Variants in KCNJ6 observed in about 807,000 individuals in gnomAD.
The protein encoded by KCNJ6 is G protein-activated inward rectifier potassium channel 2.
Under a neutral mutation model 34.2 loss-of-function variants are expected in KCNJ6, and 9 were observed. The ratio of observed to expected loss-of-function variants is 0.26; its 90% confidence interval spans 0.16 to 0.46. The LOEUF (loss-of-function observed/expected upper bound fraction) is 0.46, where lower values mean the gene tolerates loss of function less well. KCNJ6 is among the 20% of genes least tolerant of loss of function. The pLI, the probability that KCNJ6 is intolerant of heterozygous loss-of-function variation, is 1.00. For synonymous variants in KCNJ6, 196 were observed against 207.1 expected (o/e 0.95, Z 0.46); for missense variants, 236 against 531.3 (o/e 0.44, Z 5.46).
intron 2 of KCNJ6, among the ~76,000 whole-genome samples, chr21:37,779,799 G>C (rs769443733): frequency 2.0e-5 from 3 of 152,222 alleles, no homozygotes; most frequent in Non-Finnish European, 4.4e-5. Flanking sequence ...ACTTTTTGGA[G>C]TCACAAGTGA....
chr21:37,694,552 G>T (rs1248472330), intron 3 of KCNJ6, among the ~76,000 whole-genome samples: 1 of 152,190 alleles, frequency 6.6e-6, no homozygotes, highest in Non-Finnish European at 1.5e-5. Context: ...CAAAAAGTCA[G>T]GTTCTCTATT....
At chr21:37,728,694 G>GTA (rs1245869756) in intron 2 of KCNJ6, among the ~76,000 whole-genome samples, 22 of 113,492 alleles carry the variant, frequency 1.9e-4, no homozygotes, top group Admixed American at 5.0e-4. Flanking sequence ...GTGTGTGTGT[G>GTA]TGTGTATATA....
At chr21:37,897,346 C>A (rs912359424) in intron 1 of KCNJ6, among the ~76,000 whole-genome samples, 1 of 152,182 alleles carries the variant, frequency 6.6e-6, no homozygotes, top group African/African-American at 2.4e-5. Context: ...GCACAGTGAC[C>A]CCCGATGACA....
At chr21:37,701,896 G>T (rs1301397124) in intron 3 of KCNJ6, among the ~76,000 whole-genome samples, 6 of 152,120 alleles carry the variant, frequency 3.9e-5, no homozygotes. Flanking sequence ...CCACTGGAGG[G>T]TTTTAAGCAA....
intron 3 of KCNJ6, among the ~76,000 whole-genome samples, chr21:37,666,703 C>T (rs1282966118): frequency 6.6e-6 from 1 of 150,720 alleles, no homozygotes; most frequent in Non-Finnish European, 1.5e-5. Context: ...GCAGTTTTGT[C>T]GAAAAGAAAG....
At chr21:37,690,716 T>C (rs776824138) in intron 3 of KCNJ6, among the ~76,000 whole-genome samples, 1 of 152,130 alleles carries the variant, frequency 6.6e-6, no homozygotes, top group Admixed American at 6.5e-5. Flanking sequence ...AAATTGGACA[T>C]AAATATTCGT....
rs1016926208 is a variant in KCNJ6, at chr21:37,675,103, T to C, written c.946+39108A>G. ...TCAATCGACACCCTTCGCACCACTT[T>C]CTAAGTGTCTCCTTTGGACTGGGCC... On this transcript the variant is annotated intron_variant, in intron 3 of 3. Transcript: ENST00000609713. This position sits in a 1 kb window ranked among gnomAD's most constrained non-coding sequence, Gnocchi z 4.2. 2.6e-5 allele frequency among the ~76,000 whole-genome samples: 4 copies of C among 152,150 alleles called. No individual in the cohort carries two copies. Among genetic ancestry groups the C allele is most frequent in the African/African-American group, 7.2e-5 (3 of 41,434 alleles).
chr21:37,777,756 T>A (rs79221473), intron 2 of KCNJ6, among the ~76,000 whole-genome samples: 2 of 152,236 alleles, frequency 1.3e-5, no homozygotes, highest in African/African-American at 4.8e-5. Context: ...TGAAGGAAAT[T>A]AAGCATCTGA....
chr21:37,742,820 C>T (rs1230283307), intron 2 of KCNJ6, among the ~76,000 whole-genome samples: 1 of 152,218 alleles, frequency 6.6e-6, no homozygotes, highest in Non-Finnish European at 1.5e-5. Context: ...TCATCAAGTC[C>T]AGGCTCCCAG....
At chr21:37,728,748 G>GGA (rs2054868887) in intron 2 of KCNJ6, among the ~76,000 whole-genome samples, 1 of 152,060 alleles carries the variant, frequency 6.6e-6, no homozygotes, top group Non-Finnish European at 1.5e-5. Flanking sequence ...AAAAGCGTAT[G>GGA]GAGAGAGACG....
At chr21:37,842,645 A>T (rs2123580321) in intron 1 of KCNJ6, among the ~76,000 whole-genome samples, 1 of 152,352 alleles carries the variant, frequency 6.6e-6, no homozygotes, top group Non-Finnish European at 1.5e-5. Flanking sequence ...TTATGTCAAC[A>T]TGCAGAGAAA....
chr21:37,617,239 G>C lies in KCNJ6; in HGVS notation c.*7920C>G. Reference sequence around the variant, plus strand: ...TTCCTTCTTTTCTTTCTTTTTTTGAGACTGAGTCTCGCTCCGTGGCCCAGG... The same window carrying C: ...TTCCTTCTTTTCTTTCTTTTTTTGACACTGAGTCTCGCTCCGTGGCCCAGG... On this transcript the variant is annotated 3_prime_UTR_variant, in exon 4 of 4. Coordinates refer to ENST00000609713, the MANE Select transcript of KCNJ6 (RefSeq NM_002240.5). 1 of 113,322 alleles carries C rather than the reference G, an allele frequency of 8.8e-6. No individual in the cohort carries two copies. Among genetic ancestry groups the C allele is most frequent in the African/African-American group, 3.4e-5 (1 of 29,328 alleles). 7.0% of individuals were successfully genotyped at this position (113,322 alleles called of 1,614,324 possible).
At chr21:37,761,273 GGTAGT>G (rs202117943) in intron 2 of KCNJ6, among the ~76,000 whole-genome samples, 3,350 of 151,462 alleles carry the variant, frequency 0.022, 125 homozygotes, top group African/African-American at 0.077. Flanking sequence ...TGTTGTGTGT[GGTAGT>G]GTAATGTGTG....
chr21:37,684,986 A>T (rs1325600438), intron 3 of KCNJ6, among the ~76,000 whole-genome samples: 1 of 152,240 alleles, frequency 6.6e-6, no homozygotes, highest in Non-Finnish European at 1.5e-5. Context: ...TTAACAAAAA[A>T]ATCAATAAGA....
At chr21:37,857,230 G>A (rs1210464920) in intron 1 of KCNJ6, among the ~76,000 whole-genome samples, 1 of 152,144 alleles carries the variant, frequency 6.6e-6, no homozygotes, top group Non-Finnish European at 1.5e-5. Flanking sequence ...TAGAGGGAGG[G>A]CTATTGTTAC....
In KCNJ6 at chr21:37,625,563, G is replaced by A. The variant is rs7281640; in HGVS notation, c.947-79C>T. On this transcript the variant is annotated intron_variant, in intron 3 of 3. Coordinates refer to ENST00000609713, the MANE Select transcript of KCNJ6 (RefSeq NM_002240.5). ...CCAAGGAGTCACAGAGAGCCAGGAG[G>A]AGTACTGCATGCAGCTGTTGAGACT... 4,667 of 1,037,710 alleles carry A rather than the reference G, an allele frequency of 4.5e-3. 136 individuals carry two copies. The African/African-American group carries it at 0.06, about 13-fold the overall frequency. The allele number at this position is 1,037,710 out of a possible 1,614,324, so 64.3% of individuals were successfully genotyped here. A position where few individuals can be genotyped will look rare whatever the true frequency, so the allele number is the denominator to read the frequency against.
chr21:37,755,280 G>A (rs768377424), intron 2 of KCNJ6, among the ~76,000 whole-genome samples: 3 of 151,428 alleles, frequency 2.0e-5, no homozygotes, highest in Non-Finnish European at 4.4e-5. Flanking sequence ...ATGTTCAGTG[G>A]CAAAATGAAA....
chr21:37,704,984 A>G (rs1314398978), intron 3 of KCNJ6, among the ~76,000 whole-genome samples: 2 of 152,076 alleles, frequency 1.3e-5, no homozygotes, highest in Non-Finnish European at 2.9e-5. Flanking sequence ...GATAACACTG[A>G]ATTGGGTAGA....
intron 1 of KCNJ6, among the ~76,000 whole-genome samples, chr21:37,907,909 A>G (rs2055849422): frequency 6.6e-6 from 1 of 152,228 alleles, no homozygotes; most frequent in Non-Finnish European, 1.5e-5. Flanking sequence ...AAATGATTGA[A>G]TGTGGCAGTG....
Sources: gnomAD v4.1 joint callset for allele counts (sites outside exome capture counted in the v4.1 genomes callset) on GRCh38, gnomAD v4.1.1 for gene constraint, Gnocchi (gnomAD v3.1) non-coding constraint, MANE v1.5 for transcripts, NCBI Gene and HGNC (gene_info 2026-07-23, HGNC 2026-07-21) for gene names.